Variants in C2orf81 observed in about 807,000 individuals in gnomAD.
C2orf81 encodes the protein uncharacterized protein C2orf81.
C2orf81 carries 5 observed loss-of-function variants against 7.9 expected under a neutral mutation model. The observed-to-expected ratio is 0.63, with a 90% CI of 0.33 to 1.33. The LOEUF (loss-of-function observed/expected upper bound fraction) is 1.33. Among genes scored for constraint, C2orf81 ranks in the 40% most tolerant of loss-of-function variants. The pLI is 0.05. For synonymous variants in C2orf81, 346 were observed against 367.4 expected, an observed-to-expected ratio of 0.94 and a Z score of 0.66; for missense variants, 781 against 830.4, an observed-to-expected ratio of 0.94 and a Z score of 0.73.
At chr2:74,416,565 CAAAAAAAAAAAAAAA>C in intron 1 of C2orf81, 1 of 45,206 alleles carries the variant, frequency 2.2e-5, no homozygotes, top group Non-Finnish European at 5.9e-5. Context: ...GACTGCGTCT[CAAAAAAAAAAAAAAA>C]AAAAAAAAAG....
At chr2:74,418,378 T>C in intron 1 of C2orf81, 1 of 1,593,456 alleles carries the variant, frequency 6.3e-7, no homozygotes, top group Non-Finnish European at 8.6e-7. Flanking sequence ...GCCCCGCTTC[T>C]CAGTGCCGTC....
Position 74,419,088 on chromosome 2 carries a change from C to T in C2orf81, c.18+2455G>A, listed in dbSNP as rs1322962588. Reference sequence around the variant, plus strand: ...TCCAGCTACTAGGGAGGCTGAGGCACGAGAATCACTTGAACCCGGGAGGCA... The same window carrying T: ...TCCAGCTACTAGGGAGGCTGAGGCATGAGAATCACTTGAACCCGGGAGGCA... On this transcript the variant is annotated intron_variant, in intron 1 of 2. Coordinates refer to ENST00000684111, the MANE Select transcript of C2orf81 (RefSeq NM_001316764.3). Among the ~76,000 whole-genome samples the T allele has an allele frequency of 5.3e-5, 8 of 151,054 alleles. No homozygotes were observed. The South Asian group carries it at 1.3e-3, about 24-fold the overall frequency.
In C2orf81 at chr2:74,414,532, C is replaced by T. The variant is rs1676382854; in HGVS notation, c.1645G>A (p.Val549Ile). The change falls in exon 3 of 3, where the codon GTC becomes ATC. Residue 549 changes from valine (V) to isoleucine (I), a missense_variant. Transcript: ENST00000684111. This position sits in a 1 kb window ranked among gnomAD's most constrained non-coding sequence, Gnocchi z 5.3. Reference protein sequence around the residue: ...PGRWPRTTPPVLEATSQVMWK... With the variant: ...PGRWPRTTPPILEATSQVMWK... Reference sequence around the variant, plus strand: ...ATCACCTGGGAAGTGGCTTCAAGGACCGGGGGTGTGGTTCGAGGCCATCTG... The same window carrying T: ...ATCACCTGGGAAGTGGCTTCAAGGATCGGGGGTGTGGTTCGAGGCCATCTG... 1 of 1,543,914 alleles carries T rather than the reference C, an allele frequency of 6.5e-7. No individual in the cohort carries two copies. The highest frequency in any genetic ancestry group is 8.8e-7 in the Non-Finnish European group (1 of 1,141,928).
intron 1 of C2orf81, among the ~76,000 whole-genome samples, chr2:74,419,840 C>T (rs535827187): frequency 2.5e-4 from 38 of 152,156 alleles, no homozygotes; most frequent in African/African-American, 8.2e-4. Flanking sequence ...GGCAAGATCT[C>T]GGCTCACTGC....
Position 74,414,917 on chromosome 2 carries a change from G to A in C2orf81, c.1260C>T (p.Pro420=), listed in dbSNP as rs61745979. Residue 420 remains proline (P), a synonymous_variant, in exon 3 of 3, where the codon CCC becomes CCT. Transcript: ENST00000684111. This position sits in a 1 kb window ranked among gnomAD's most constrained non-coding sequence, Gnocchi z 5.3. ...RGEKTKARAE[P]QALGPGTRVS... ...CACGGGTGCCGGGGCCGAGGGCTTG[G>A]GGTTCGGCCCGGGCCTTGGTCTTCT... 9,711 of 1,544,814 alleles carry A rather than the reference G, an allele frequency of 6.3e-3. 53 individuals carry two copies. Among genetic ancestry groups the A allele is most frequent in the Non-Finnish European group, 6.5e-3 (7,426 of 1,143,032 alleles).
chr2:74,420,772 C>CTTTTTTTTTTTTTTTTTTTT (rs745827470), intron 1 of C2orf81, among the ~76,000 whole-genome samples: 2 of 72,700 alleles, frequency 2.8e-5, no homozygotes, highest in Admixed American at 2.0e-4. Flanking sequence ...TCTTCTTCTT[C>CTTTTTTTTTTTTTTTTTTTT]TTTTTTTTTT....
Position 74,415,821 on chromosome 2 carries a change from G to A in C2orf81, c.356C>T (p.Thr119Ile). The change falls in exon 3 of 3, where the codon ACA becomes ATA. Residue 119 changes from threonine to isoleucine, a missense_variant. Thr to Ile is a moderately conservative substitution (Grantham distance 89). Coordinates refer to ENST00000684111, the MANE Select transcript of C2orf81 (RefSeq NM_001316764.3). This position sits in a 1 kb window ranked among gnomAD's most constrained non-coding sequence, Gnocchi z 5.5. ...CGAAGGCTCCTCGTCCTCACCCCAT[G>A]TGGGGTCCTCAGCTACTGCAGATTC... is the stretch of plus-strand genomic sequence containing the variant. ...EGESAVAEDPTWGEDEEPSAC... is the reference protein window; with the variant it reads ...EGESAVAEDPIWGEDEEPSAC... 6.4e-7 allele frequency: 1 copy of A among 1,551,636 alleles called. No individual in the cohort carries two copies. Among genetic ancestry groups the A allele is most frequent in the Non-Finnish European group, 8.7e-7 (1 of 1,147,022 alleles).
intron 1 of C2orf81, among the ~76,000 whole-genome samples, chr2:74,421,054 T>C (rs1676599641): frequency 6.6e-6 from 1 of 152,206 alleles, no homozygotes; most frequent in African/African-American, 2.4e-5. Flanking sequence ...AGTGCTGGGA[T>C]TACAGGCATG....
At chr2:74,418,166 CCTT>C (rs1167230482) in intron 1 of C2orf81, 40 of 1,078,230 alleles carry the variant, frequency 3.7e-5, no homozygotes, top group Non-Finnish European at 5.3e-5. Context: ...TTCTCTTCCT[CCTT>C]CTCCAGTTTT....
intron 1 of C2orf81, among the ~76,000 whole-genome samples, chr2:74,420,540 T>C (rs1054869956): frequency 6.6e-6 from 1 of 152,166 alleles, no homozygotes; most frequent in South Asian, 2.1e-4. Flanking sequence ...TCAAAATCCC[T>C]GAAGTCTCAT....
At position 74,414,350 on chromosome 2, in the gene C2orf81, T is replaced by C. The variant is rs1232758250; in HGVS notation, c.1827A>G (p.Thr609=). The C allele has an allele frequency of 6.7e-7, 1 of 1,489,756 alleles. No individual in the cohort carries two copies. Among genetic ancestry groups the C allele is most frequent in the Non-Finnish European group, 9.0e-7 (1 of 1,112,674 alleles). 92.3% of individuals were successfully genotyped at this position (1,489,756 alleles called of 1,614,324 possible). A position where few individuals can be genotyped will look rare whatever the true frequency, so the allele number is the denominator to read the frequency against. Residue 609 remains threonine, a synonymous_variant, in exon 3 of 3, where the codon ACA becomes ACG. Coordinates refer to ENST00000684111, the MANE Select transcript of C2orf81 (RefSeq NM_001316764.3). This position sits in a 1 kb window ranked among gnomAD's most constrained non-coding sequence, Gnocchi z 5.3. Reference sequence around the variant, plus strand: ...ACGGTCACCTGGGCTTTGGGGCACCTGTCTGGATGGGATGTTGCTCAACGG... The same window carrying C: ...ACGGTCACCTGGGCTTTGGGGCACCCGTCTGGATGGGATGTTGCTCAACGG... ...FPPVEQHPIQ[T]GAPKPR
chr2:74,415,593 G>C lies in C2orf81; in HGVS notation c.584C>G (p.Pro195Arg), dbSNP rs529573479. The C allele has an allele frequency of 8.6e-5, 133 of 1,551,282 alleles. 1 individual carries two copies. The South Asian group carries it at 1.5e-3, about 18-fold the overall frequency. The change falls in exon 3 of 3, where the codon CCT becomes CGT. Residue 195 changes from proline (P) to arginine (R), a missense_variant. Pro to Arg is a moderately radical substitution (Grantham distance 103, BLOSUM62 -2). Coordinates refer to ENST00000684111, the MANE Select transcript of C2orf81 (RefSeq NM_001316764.3). The surrounding 1 kb of genome is among the most constrained non-coding windows in gnomAD (Gnocchi z 5.5). ...TCGACCCATCCACGACCTTCCTAAAGGGATCCGGTCCACGCCCCCAGGGTC... is the reference window on the plus strand; with the variant it reads ...TCGACCCATCCACGACCTTCCTAAACGGATCCGGTCCACGCCCCCAGGGTC... ...PQDPGGVDRI[P>R]LGRSWMGRGS...
Position 74,416,151 on chromosome 2 carries a change from T to C in C2orf81, c.109A>G (p.Ile37Val), listed in dbSNP as rs1453842865. The C allele has an allele frequency of 6.6e-7, 1 of 1,506,796 alleles. No homozygotes were observed. The highest frequency in any genetic ancestry group is 1.4e-5 in the African/African-American group (1 of 72,240). The allele number at this position is 1,506,796 out of a possible 1,614,324, so 93.3% of individuals were successfully genotyped here. The stretch of plus-strand genomic sequence containing the variant: ...GCCTCACTGAGCCGCCCAGGCACAA[T>C]ATCCACCTGCGGCACTGGCACAGTG... ...PPTVPVPQVD[I>V]VPGRLSEAEW... is the part of the protein sequence containing the mutation. The change falls in exon 2 of 3, where the codon ATT becomes GTT. Residue 37 changes from isoleucine (I) to valine (V), a missense_variant. Transcript: ENST00000684111.
chr2:74,415,655 G>T lies in C2orf81; in HGVS notation c.522C>A (p.Pro174=). 4 of 1,551,276 alleles carry T rather than the reference G, an allele frequency of 2.6e-6. No homozygotes were observed. The highest frequency in any genetic ancestry group is 3.5e-6 in the Non-Finnish European group (4 of 1,146,998). ...CACTCGGGCAGTGAGATGTCGGAAA[G>T]GGGAGAGCAGGAGCAATGGCAGAGG... ...PDSSAIAPAL[P]FPTSHCPSAF... The change falls in exon 3 of 3, where the codon CCC becomes CCA. Residue 174 remains proline, a synonymous_variant. Coordinates refer to ENST00000684111, the MANE Select transcript of C2orf81 (RefSeq NM_001316764.3). This position sits in a 1 kb window ranked among gnomAD's most constrained non-coding sequence, Gnocchi z 5.5.
At position 74,414,457 on chromosome 2, in the gene C2orf81, T is replaced by C. The variant is rs1386437726; in HGVS notation, c.1720A>G (p.Ser574Gly). Residue 574 changes from serine to glycine, a missense_variant, in exon 3 of 3, where the codon AGC (serine) becomes GGC (glycine). Physicochemically the swap from Ser to Gly is moderately conservative, Grantham distance 56. Coordinates refer to ENST00000684111, the MANE Select transcript of C2orf81 (RefSeq NM_001316764.3). The surrounding 1 kb of genome is among the most constrained non-coding windows in gnomAD (Gnocchi z 5.3). ...ACCTGGGTGCTCCGGTTCCACATGC[T>C]CACACCAGGGGCCAGCTTCAGGGCT... ...PEALKLAPGV[S>G]MWNRSTQVLL... is the part of the protein sequence containing the mutation. The C allele has an allele frequency of 6.4e-7, 1 of 1,551,302 alleles. No individual in the cohort carries two copies. The highest frequency in any genetic ancestry group is 1.4e-5 in the African/African-American group (1 of 73,148).
In C2orf81 at chr2:74,418,573, G is replaced by A. The variant is rs550028080; in HGVS notation, c.19-2332C>T. 103 of 677,084 alleles carry A rather than the reference G, an allele frequency of 1.5e-4. No homozygotes were observed. The Middle Eastern group carries it at 1.8e-3, about 12-fold the overall frequency. 41.9% of individuals were successfully genotyped at this position (677,084 alleles called of 1,614,324 possible). The stretch of plus-strand genomic sequence containing the variant: ...CGCTGAGGACAGGCCAGTCTCCACC[G>A]CAGCCGCCCCTGGTCGCAAATGCGG... On this transcript the variant is annotated intron_variant, in intron 1 of 2. Coordinates refer to ENST00000684111, the MANE Select transcript of C2orf81 (RefSeq NM_001316764.3).
Position 74,414,454 on chromosome 2 carries a change from T to G in C2orf81, c.1723A>C (p.Met575Leu), listed in dbSNP as rs1676379376. The change falls in exon 3 of 3, where the codon ATG becomes CTG. Residue 575 changes from methionine (M) to leucine (L), a missense_variant. Coordinates refer to ENST00000684111, the MANE Select transcript of C2orf81 (RefSeq NM_001316764.3). This position sits in a 1 kb window ranked among gnomAD's most constrained non-coding sequence, Gnocchi z 5.3. ...AACACCTGGGTGCTCCGGTTCCACA[T>G]GCTCACACCAGGGGCCAGCTTCAGG... Reference protein sequence around the residue: ...EALKLAPGVSMWNRSTQVLLS... With the variant: ...EALKLAPGVSLWNRSTQVLLS... The G allele has an allele frequency of 6.4e-7, 1 of 1,551,220 alleles. No homozygotes were observed. The highest frequency in any genetic ancestry group is 2.0e-5 in the Admixed American group (1 of 50,960).
Position 74,415,453 on chromosome 2 carries a change from C to T in C2orf81, c.724G>A (p.Glu242Lys). ...QEAGPGGPVE[E>K]ADGQSRGLSS... ...AGGCCTCTAGACTGGCCGTCCGCTT[C>T]CTCTACAGGACCTCCGGGCCCTGCC... The change falls in exon 3 of 3, where the codon GAA becomes AAA. Residue 242 changes from glutamate to lysine, a missense_variant. By Grantham distance (56) the Glu-to-Lys change is moderately conservative. Transcript: ENST00000684111. This position sits in a 1 kb window ranked among gnomAD's most constrained non-coding sequence, Gnocchi z 5.5. 10 of 1,534,980 alleles carry T rather than the reference C, an allele frequency of 6.5e-6. No individual in the cohort carries two copies. Among genetic ancestry groups the T allele is most frequent in the Non-Finnish European group, 8.8e-6 (10 of 1,135,140 alleles).
chr2:74,419,533 C>T (rs1233641790), intron 1 of C2orf81, among the ~76,000 whole-genome samples: 1 of 152,156 alleles, frequency 6.6e-6, no homozygotes, highest in Non-Finnish European at 1.5e-5. Flanking sequence ...CATGCTGCAA[C>T]AGTATGCATG....
Sources: allele counts gnomAD v4.1 joint callset (sites outside exome capture counted in the v4.1 genomes callset), GRCh38; gene constraint gnomAD v4.1.1; non-coding constraint Gnocchi (gnomAD v3.1); transcripts MANE v1.5; gene names NCBI Gene and HGNC (gene_info 2026-07-23, HGNC 2026-07-21).